The following A4GALT variants were observed in gnomAD, a reference collection of about 807,000 sequenced individuals.
A4GALT encodes the protein alpha 1,4-galactosyltransferase (P1PK blood group), also known as lactosylceramide 4-alpha-galactosyltransferase.
For missense variants in A4GALT, 512 were observed against 486.0 expected (o/e 1.05, Z -0.50); for synonymous variants, 257 against 220.7 (o/e 1.16, Z -1.46).
intron 1 of A4GALT, among the ~76,000 whole-genome samples, chr22:42,715,840 T>A (rs1922123199): frequency 4.3e-5 from 1 of 23,386 alleles, no homozygotes; most frequent in Admixed American, 4.2e-4. Flanking sequence ...TCTTTTTTTT[T>A]GTTTTTTTTG....
At chr22:42,698,000 C>T (rs910505342) in intron 1 of A4GALT, among the ~76,000 whole-genome samples, 2 of 152,110 alleles carry the variant, frequency 1.3e-5, no homozygotes, top group Non-Finnish European at 2.9e-5. Flanking sequence ...CCTGTAATCC[C>T]GGCACTTTGG....
chr22:42,718,309 T>C (rs1377860148), intron 1 of A4GALT: 1 of 152,264 alleles, frequency 6.6e-6, no homozygotes, highest in East Asian at 1.9e-4. Context: ...TTGCTCAGGC[T>C]GGAGTGCAGT....
At chr22:42,720,313 G>A (rs1181937527) in intron 1 of A4GALT, among the ~76,000 whole-genome samples, 3 of 85,354 alleles carry the variant, frequency 3.5e-5, no homozygotes, top group African/African-American at 1.3e-4. Flanking sequence ...CAGCCCGGCA[G>A]AGCCCCCTCC....
At chr22:42,719,754 G>C (rs1199272474) in intron 1 of A4GALT, among the ~76,000 whole-genome samples, 1 of 152,182 alleles carries the variant, frequency 6.6e-6, no homozygotes, top group African/African-American at 2.4e-5. Context: ...TGGGCAGCTG[G>C]TGGCGGGAAC....
At position 42,720,646 on chromosome 22, in the gene A4GALT, T is replaced by C. The variant is rs1321608277; in HGVS notation, c.-188+151A>G. 5.3e-5 allele frequency among the ~76,000 whole-genome samples: 8 copies of C among 151,906 alleles called. No homozygotes were observed. In the East Asian group the frequency reaches 9.8e-4, roughly 19 times the overall value. ...CGCGCGGGGTTCGTGCGCGCACAAA[T>C]GTCGCCTCCAGAACAGGTGGCCCGG... On this transcript the variant is annotated intron_variant, in intron 1 of 2. Transcript: ENST00000642412.
chr22:42,712,036 C>T (rs991169115), intron 1 of A4GALT, among the ~76,000 whole-genome samples: 7 of 152,188 alleles, frequency 4.6e-5, no homozygotes, highest in East Asian at 3.8e-4. Context: ...ATAAACTCTA[C>T]GCAGATGCAA....
In A4GALT at chr22:42,692,661, C is replaced by G. The variant is rs952138985; in HGVS notation, c.*229G>C. ...TAGAAGGCCCGGGGCACTCACTGAG[C>G]GCCCTCCGCTGGCTATGGCACCATG... On this transcript the variant is annotated 3_prime_UTR_variant, in exon 3 of 3. Coordinates refer to ENST00000642412, the MANE Select transcript of A4GALT (RefSeq NM_017436.7). This position sits in a 1 kb window ranked among gnomAD's most constrained non-coding sequence, Gnocchi z 4.6. 15 of 677,028 alleles carry G rather than the reference C, an allele frequency of 2.2e-5. No homozygotes were observed. In the African/African-American group the frequency reaches 2.6e-4, roughly 12 times the overall value. 41.9% of individuals were successfully genotyped at this position (677,028 alleles called of 1,614,324 possible). A position where few individuals can be genotyped will look rare whatever the true frequency, so the allele number is the denominator to read the frequency against.
chr22:42,699,222 T>C (rs1455743078), intron 1 of A4GALT, among the ~76,000 whole-genome samples: 5 of 152,128 alleles, frequency 3.3e-5, no homozygotes, highest in Non-Finnish European at 7.4e-5. Flanking sequence ...TAGCTGGGAT[T>C]ACAGGCATGT....
intron 1 of A4GALT, among the ~76,000 whole-genome samples, chr22:42,713,717 C>A (rs935034484): frequency 6.6e-6 from 1 of 150,978 alleles, no homozygotes; most frequent in Non-Finnish European, 1.5e-5. Context: ...AAGGCTGAGG[C>A]AGGAGAATTG....
intron 1 of A4GALT, among the ~76,000 whole-genome samples, chr22:42,696,224 C>G (rs1290692812): frequency 6.7e-6 from 1 of 148,880 alleles, no homozygotes; most frequent in East Asian, 2.0e-4. Context: ...AATTCGAGAA[C>G]AGCCTGACCA....
intron 1 of A4GALT, among the ~76,000 whole-genome samples, chr22:42,701,230 T>G (rs1305957225): frequency 1.3e-5 from 2 of 152,202 alleles, no homozygotes; most frequent in African/African-American, 4.8e-5. Context: ...CTGAGCTTCC[T>G]TCCTGGCCCT....
At chr22:42,716,282 G>A (rs944371916) in intron 1 of A4GALT, among the ~76,000 whole-genome samples, 1 of 152,198 alleles carries the variant, frequency 6.6e-6, no homozygotes, top group South Asian at 2.1e-4. Context: ...CACCACTGGG[G>A]TGAGTGGCAA....
At chr22:42,709,168 T>G (rs1323129013) in intron 1 of A4GALT, among the ~76,000 whole-genome samples, 1 of 150,956 alleles carries the variant, frequency 6.6e-6, no homozygotes, top group Non-Finnish European at 1.5e-5. Context: ...TACATGATCC[T>G]CCCACCTCAG....
At chr22:42,715,831 C>CT (rs202032877) in intron 1 of A4GALT, among the ~76,000 whole-genome samples, 1,342 of 81,232 alleles carry the variant, frequency 0.017, 44 homozygotes, top group African/African-American at 0.053. Context: ...AAGATACAAT[C>CT]TTTTTTTTTG....
At chr22:42,694,157 C>T (rs1930748557) in intron 2 of A4GALT, among the ~76,000 whole-genome samples, 160 bp from the exon 3 acceptor site, 1 of 152,264 alleles carries the variant, frequency 6.6e-6, no homozygotes, top group South Asian at 2.1e-4. Flanking sequence ...CTGCTGGCTG[C>T]TCACCTACGA....
chr22:42,697,625 G>A (rs1931028900), intron 1 of A4GALT, among the ~76,000 whole-genome samples: 1 of 152,122 alleles, frequency 6.6e-6, no homozygotes, highest in South Asian at 2.1e-4. Context: ...GCCATATTTG[G>A]TGTCAGAGCC....
intron 1 of A4GALT, among the ~76,000 whole-genome samples, chr22:42,715,783 G>A (rs1159922585): frequency 1.3e-5 from 2 of 151,784 alleles, no homozygotes; most frequent in Non-Finnish European, 2.9e-5. Context: ...CTCCTAAAGT[G>A]CTGGGATTAC....
At chr22:42,720,524 G>A (rs559425048) in intron 1 of A4GALT, among the ~76,000 whole-genome samples, 1 of 152,124 alleles carries the variant, frequency 6.6e-6, no homozygotes, top group Non-Finnish European at 1.5e-5. Context: ...GGGCTCCGGA[G>A]CCAGGCGCGT....
At chr22:42,703,562 G>C (rs1390621111) in intron 1 of A4GALT, among the ~76,000 whole-genome samples, 1 of 151,994 alleles carries the variant, frequency 6.6e-6, no homozygotes, top group Non-Finnish European at 1.5e-5. Flanking sequence ...CCTGCAATAA[G>C]GAGTGTTTTG....
Sources: gnomAD v4.1 joint callset for allele counts (sites outside exome capture counted in the v4.1 genomes callset) on GRCh38, gnomAD v4.1.1 for gene constraint, Gnocchi (gnomAD v3.1) non-coding constraint, MANE v1.5 for transcripts, NCBI Gene and HGNC (gene_info 2026-07-23, HGNC 2026-07-21) for gene names.